Variants in ADGRL3 observed in about 807,000 individuals in gnomAD.
ADGRL3 encodes calcium-independent alpha-latrotoxin receptor 3.
Under a neutral mutation model 153.5 loss-of-function variants are expected in ADGRL3, and 62 were observed. The observed-to-expected ratio is 0.40, with a 90% CI of 0.33 to 0.50. The LOEUF is 0.50. ADGRL3 is among the 20% of genes least tolerant of loss of function. The pLI is 0.47. For missense variants in ADGRL3, 1,641 were observed against 1,859.4 expected, an observed-to-expected ratio of 0.88 and a Z score of 2.16; for synonymous variants, 710 against 672.5, an observed-to-expected ratio of 1.06 and a Z score of -0.86.
chr4:61,659,917 G>A (rs983870087), intron 5 of ADGRL3, among the ~76,000 whole-genome samples: 373 of 72,186 alleles, frequency 5.2e-3, no homozygotes, highest in African/African-American at 0.016. Flanking sequence ...AAAAAAAAAA[G>A]CTGTAGTGAA....
chr4:61,463,312 G>A (rs1264774791), intron 2 of ADGRL3, among the ~76,000 whole-genome samples: 4 of 152,186 alleles, frequency 2.6e-5, no homozygotes, highest in Non-Finnish European at 4.4e-5. Flanking sequence ...TCCACAGGCT[G>A]TACAGGAAGC....
chr4:61,358,596 CAAAAAAAA>C (rs71211377), intron 1 of ADGRL3, among the ~76,000 whole-genome samples: 6 of 96,866 alleles, frequency 6.2e-5, no homozygotes, highest in East Asian at 3.4e-4. Context: ...GACTCCGTCT[CAAAAAAAA>C]AAAAAAAAAA....
intron 24 of ADGRL3, among the ~76,000 whole-genome samples, chr4:62,041,018 A>G (rs1269183651): frequency 6.6e-6 from 1 of 152,060 alleles, no homozygotes; most frequent in African/African-American, 2.4e-5. Context: ...AATGAGATAG[A>G]AAGTCAAGGA....
intron 9 of ADGRL3, among the ~76,000 whole-genome samples, chr4:61,841,918 C>A (rs1334455743): frequency 6.6e-6 from 1 of 152,140 alleles, no homozygotes; most frequent in East Asian, 1.9e-4. Flanking sequence ...AGATAAATGA[C>A]CGAAATTTGG....
intron 2 of ADGRL3, among the ~76,000 whole-genome samples, chr4:61,411,098 T>G (rs1283731667): frequency 2.0e-5 from 3 of 152,174 alleles, no homozygotes; most frequent in Non-Finnish European, 2.9e-5. Flanking sequence ...CTCATGCAAC[T>G]GCACTTGGTC....
At chr4:61,988,504 G>A (rs1301010046) in intron 19 of ADGRL3, among the ~76,000 whole-genome samples, 1 of 152,074 alleles carries the variant, frequency 6.6e-6, no homozygotes, top group Non-Finnish European at 1.5e-5. Context: ...TTATAGCAAA[G>A]GCTGTCATTG....
At chr4:61,777,334 CA>C (rs780404732) in intron 8 of ADGRL3, among the ~76,000 whole-genome samples, 3,692 of 140,028 alleles carry the variant, frequency 0.026, 50 homozygotes, top group Non-Finnish European at 0.041. Context: ...GACTCCATCT[CA>C]AAAAAAAAAA....
At chr4:61,893,556 A>C (rs2098604742) in intron 10 of ADGRL3, among the ~76,000 whole-genome samples, 1 of 152,168 alleles carries the variant, frequency 6.6e-6, no homozygotes, top group African/African-American at 2.4e-5. Context: ...CCTTTTCATC[A>C]GCCATTGTAG....
intron 6 of ADGRL3, among the ~76,000 whole-genome samples, chr4:61,710,826 A>G (rs1343017172): frequency 2.0e-5 from 3 of 152,202 alleles, no homozygotes; most frequent in Non-Finnish European, 2.9e-5. Flanking sequence ...CAAAGTTCAT[A>G]CACTTCAAAT....
intron 9 of ADGRL3, among the ~76,000 whole-genome samples, chr4:61,877,284 C>G (rs1361997948): frequency 6.6e-6 from 1 of 152,180 alleles, no homozygotes; most frequent in East Asian, 1.9e-4. Flanking sequence ...GTGAAAAAGT[C>G]TACCTCAATG....
chr4:61,432,592 TTCTTTCTTTCTTTCTTTCTTTCTTTC>T (rs2097373375), intron 2 of ADGRL3, among the ~76,000 whole-genome samples: 2 of 8,192 alleles, frequency 2.4e-4, no homozygotes, highest in Non-Finnish European at 8.0e-4. Context: ...CTTTCTTTCT[TTCTTTCTTTCTTTCTTTCTTTCTTTC>T]TTTCTTTCTT....
intron 1 of ADGRL3, among the ~76,000 whole-genome samples, chr4:61,217,836 C>T (rs922788188): frequency 3.3e-5 from 5 of 152,080 alleles, no homozygotes; most frequent in African/African-American, 9.7e-5. Flanking sequence ...TATCTTTTGT[C>T]CCTGAGAAAC....
At chr4:61,681,963 T>G (rs2095345714) in intron 6 of ADGRL3, among the ~76,000 whole-genome samples, 1 of 152,032 alleles carries the variant, frequency 6.6e-6, no homozygotes, top group Admixed American at 6.6e-5. Flanking sequence ...AAATATGTAT[T>G]GAAGGACTGG....
chr4:61,360,001 C>T (rs2096258794), intron 1 of ADGRL3, among the ~76,000 whole-genome samples: 1 of 152,056 alleles, frequency 6.6e-6, no homozygotes, highest in Admixed American at 6.5e-5. Context: ...AATTTTTCAG[C>T]TGATGTTTCA....
chr4:61,890,066 T>C (rs567948593), intron 9 of ADGRL3, among the ~76,000 whole-genome samples: 5 of 152,306 alleles, frequency 3.3e-5, no homozygotes, highest in African/African-American at 1.2e-4. Context: ...ACAAGTTCAT[T>C]TGAGCATGAG....
intron 8 of ADGRL3, among the ~76,000 whole-genome samples, chr4:61,743,956 A>G (rs2096617786): frequency 6.6e-6 from 1 of 152,144 alleles, no homozygotes; most frequent in South Asian, 2.1e-4. Flanking sequence ...TCCCTTTCCT[A>G]GTCAAAGAAA....
chr4:61,760,866 G>A lies in ADGRL3; in HGVS notation c.1399+27312G>A, dbSNP rs142764604. Among the ~76,000 whole-genome samples the A allele has an allele frequency of 4.9e-3, 750 of 152,254 alleles. 6 individuals are homozygous for A. The highest frequency in any genetic ancestry group is 0.016 in the African/African-American group (676 of 41,562). ...GAGAAAGAATAATTCACACAGACCC[G>A]GCTGTGTGGGAGACCAGAGTTTTAT... On this transcript the variant is annotated intron_variant, in intron 8 of 26. Transcript: ENST00000683033.
In ADGRL3 at chr4:61,646,019, G is replaced by A. The variant is rs1400648494; in HGVS notation, c.474-30807G>A. 6.6e-5 allele frequency among the ~76,000 whole-genome samples: 10 copies of A among 151,796 alleles called. No homozygotes were observed. The South Asian group carries it at 8.3e-4, about 13-fold the overall frequency. ...CTTTTTTCTCTAAACTTCCCTTCTC[G>A]CTTCATTTCATTCATTTCATCTTCC... is the stretch of plus-strand genomic sequence containing the variant. On this transcript the variant is annotated intron_variant, in intron 5 of 26. Coordinates refer to ENST00000683033, the MANE Select transcript of ADGRL3 (RefSeq NM_001387552.1).
At chr4:61,204,940 T>G (rs1343216673) in intron 1 of ADGRL3, among the ~76,000 whole-genome samples, 1 of 152,192 alleles carries the variant, frequency 6.6e-6, no homozygotes, top group Non-Finnish European at 1.5e-5. Flanking sequence ...ATTTTCTTAA[T>G]CATGATCTTC....
Sources: allele counts gnomAD v4.1 joint callset (sites outside exome capture counted in the v4.1 genomes callset), GRCh38; gene constraint gnomAD v4.1.1; transcripts MANE v1.5; gene names NCBI Gene and HGNC (gene_info 2026-07-23, HGNC 2026-07-21).